CNTN4: variants seen among roughly 807,000 people sequenced by gnomAD.
The protein encoded by CNTN4 is contactin 4, also known as contactin-4.
In CNTN4, 77 loss-of-function variants were observed where a neutral mutation model predicts 122.5. That is an observed-to-expected ratio of 0.63 (90% CI 0.52 to 0.76). CNTN4 has a LOEUF of 0.76. Ranked by LOEUF, CNTN4 falls within the 30% of genes least tolerant of loss-of-function variation. The pLI is 0.00. For missense variants in CNTN4, 1,256 were observed against 1,259.1 expected (o/e 1.00, Z 0.04); for synonymous variants, 512 against 447.0 (o/e 1.15, Z -1.83).
intron 2 of CNTN4, among the ~76,000 whole-genome samples, chr3:2,158,301 A>G (rs941323940): frequency 6.6e-6 from 1 of 152,178 alleles, no homozygotes; most frequent in African/African-American, 2.4e-5. Context: ...ATCCCTCATT[A>G]TTTGTCCATC....
At chr3:2,654,529 G>A (rs754050365) in intron 4 of CNTN4, among the ~76,000 whole-genome samples, 2 of 152,006 alleles carry the variant, frequency 1.3e-5, no homozygotes, top group Non-Finnish European at 2.9e-5. Context: ...CACTTAATAA[G>A]GCCAACCCAA....
chr3:2,386,632 C>T (rs2046267169), intron 3 of CNTN4, among the ~76,000 whole-genome samples: 1 of 151,830 alleles, frequency 6.6e-6, no homozygotes, highest in Non-Finnish European at 1.5e-5. Context: ...CTAAGGAGTA[C>T]ATGAAAATTG....
intron 13 of CNTN4, among the ~76,000 whole-genome samples, chr3:2,951,982 AT>A (rs1192498101): frequency 6.6e-6 from 1 of 152,218 alleles, no homozygotes; most frequent in Non-Finnish European, 1.5e-5. Context: ...GACCTAGGTG[AT>A]TCCCAACTCT....
chr3:2,423,292 G>A (rs993048646), intron 3 of CNTN4, among the ~76,000 whole-genome samples: 1 of 152,080 alleles, frequency 6.6e-6, no homozygotes, highest in Admixed American at 6.6e-5. Context: ...TATGGCTGGT[G>A]CAGCTGCCTT....
At chr3:2,573,778 C>T (rs1192900572) in intron 4 of CNTN4, among the ~76,000 whole-genome samples, 1 of 152,092 alleles carries the variant, frequency 6.6e-6, no homozygotes, top group Admixed American at 6.5e-5. Context: ...TTTTTGTGAC[C>T]TGTTTTACAC....
chr3:2,658,424 A>C (rs955412016), intron 4 of CNTN4, among the ~76,000 whole-genome samples: 2 of 152,202 alleles, frequency 1.3e-5, no homozygotes, highest in East Asian at 3.9e-4. Flanking sequence ...TGCAATACTT[A>C]CATCACATGA....
chr3:2,140,589 C>T (rs895511154), intron 2 of CNTN4, among the ~76,000 whole-genome samples: 42 of 152,098 alleles, frequency 2.8e-4, no homozygotes, highest in African/African-American at 1.0e-3. Context: ...AGGGCGCTAA[C>T]CCCATTCATG....
At chr3:2,948,855 A>G (rs2094706670) in intron 13 of CNTN4, among the ~76,000 whole-genome samples, 1 of 152,158 alleles carries the variant, frequency 6.6e-6, no homozygotes, top group Non-Finnish European at 1.5e-5. Context: ...TTTCCCTGAG[A>G]GTTTTTGATA....
intron 6 of CNTN4, among the ~76,000 whole-genome samples, chr3:2,812,834 G>A (rs963665421): frequency 6.6e-6 from 1 of 152,154 alleles, no homozygotes; most frequent in Non-Finnish European, 1.5e-5. Flanking sequence ...TGAAGTTCAA[G>A]GAGATTAACT....
chr3:2,727,945 T>C (rs1165932917), intron 4 of CNTN4, among the ~76,000 whole-genome samples: 1 of 152,242 alleles, frequency 6.6e-6, no homozygotes, highest in African/African-American at 2.4e-5. Flanking sequence ...CATGTCTGTC[T>C]CCTCTAATAT....
At chr3:2,614,451 C>A (rs915677491) in intron 4 of CNTN4, among the ~76,000 whole-genome samples, 6 of 152,100 alleles carry the variant, frequency 3.9e-5, no homozygotes, top group African/African-American at 1.4e-4. Context: ...GGTATGGGAA[C>A]AGTATCATAG....
Position 3,043,640 on chromosome 3 carries a change from A to G in CNTN4, c.2747A>G (p.Lys916Arg), listed in dbSNP as rs775614471. 2.0e-5 allele frequency: 33 copies of G among 1,614,122 alleles called. No individual in the cohort carries two copies. In the South Asian group the frequency reaches 3.3e-4, roughly 16 times the overall value. The change falls in exon 23 of 25, where the codon AAA (lysine) becomes AGA (arginine). Residue 916 changes from lysine to arginine, a missense_variant. Coordinates refer to ENST00000418658, the MANE Select transcript of CNTN4 (RefSeq NM_175607.3). ...ATCATATGGAATTCATCAGACTCCA[A>G]AATTATCCTGAATTGGGATCAAGTG... ...GNIIWNSSDS[K>R]IILNWDQVKA...
chr3:2,200,024 G>A (rs1414825477), intron 2 of CNTN4, among the ~76,000 whole-genome samples: 1 of 152,142 alleles, frequency 6.6e-6, no homozygotes, highest in Non-Finnish European at 1.5e-5. Context: ...GATGCAATGG[G>A]ACAGCATTGG....
intron 2 of CNTN4, among the ~76,000 whole-genome samples, chr3:2,119,479 G>A (rs1198842543): frequency 6.6e-6 from 1 of 152,184 alleles, no homozygotes; most frequent in Non-Finnish European, 1.5e-5. Context: ...AGAATGATTA[G>A]TGATGGATCA....
intron 3 of CNTN4, among the ~76,000 whole-genome samples, chr3:2,503,722 G>A (rs2076658354): frequency 6.6e-6 from 1 of 152,086 alleles, no homozygotes; most frequent in Non-Finnish European, 1.5e-5. Context: ...TAGGGATGAG[G>A]AAGCATTACA....
intron 3 of CNTN4, among the ~76,000 whole-genome samples, chr3:2,548,980 C>T (rs1357776978): frequency 6.6e-6 from 1 of 152,020 alleles, no homozygotes; most frequent in Non-Finnish European, 1.5e-5. Context: ...CTCTGTTTGT[C>T]TATTTTTGGT....
At chr3:3,052,952 ATTATCT>A (rs1701411304) in intron 23 of CNTN4, among the ~76,000 whole-genome samples, 1 of 152,142 alleles carries the variant, frequency 6.6e-6, no homozygotes, top group South Asian at 2.1e-4. Context: ...ATGTTCTCTG[ATTATCT>A]TTAAGCCTTC....
At chr3:3,049,242 C>A (rs1219136569) in intron 23 of CNTN4, among the ~76,000 whole-genome samples, 1 of 152,122 alleles carries the variant, frequency 6.6e-6, no homozygotes, top group Non-Finnish European at 1.5e-5. Flanking sequence ...ACCACCACGA[C>A]TGGCTGATTT....
At chr3:2,456,523 T>C (rs995498557) in intron 3 of CNTN4, among the ~76,000 whole-genome samples, 1 of 152,108 alleles carries the variant, frequency 6.6e-6, no homozygotes, top group Non-Finnish European at 1.5e-5. Context: ...GCATTCCTCT[T>C]CCTCACTCCA....
Sources: gnomAD v4.1 joint callset for allele counts (sites outside exome capture counted in the v4.1 genomes callset) on GRCh38, gnomAD v4.1.1 for gene constraint, MANE v1.5 for transcripts, NCBI Gene and HGNC (gene_info 2026-07-23, HGNC 2026-07-21) for gene names.